The following PTPRD variants were observed in gnomAD, a reference collection of about 807,000 sequenced individuals.
The protein encoded by PTPRD is protein tyrosine phosphatase receptor type D.
In PTPRD, 34 loss-of-function variants were observed where a neutral mutation model predicts 214.5. The observed-to-expected ratio is 0.16, with a 90% CI of 0.12 to 0.21. PTPRD has a LOEUF of 0.21. Ranked by LOEUF, PTPRD falls within the 10% of genes least tolerant of loss-of-function variation. The pLI is 1.00. For missense variants in PTPRD, 2,545 were observed against 2,398.7 expected, an observed-to-expected ratio of 1.06 and a Z score of -1.27; for synonymous variants, 1,128 against 845.7, an observed-to-expected ratio of 1.33 and a Z score of -5.79.
intron 2 of PTPRD, among the ~76,000 whole-genome samples, chr9:10,523,194 C>A (rs1055114606): frequency 2.5e-4 from 38 of 151,888 alleles, no homozygotes; most frequent in African/African-American, 8.5e-4. Context: ...AAGTACATAT[C>A]GTGATGTTTT....
chr9:8,962,965 C>T (rs1367701227), intron 11 of PTPRD: 3 of 152,024 alleles, frequency 2.0e-5, no homozygotes, highest in Admixed American at 6.6e-5. Context: ...CAAAAGATTT[C>T]CCAGCAGCAC....
intron 2 of PTPRD, among the ~76,000 whole-genome samples, chr9:10,596,007 T>C (rs1390131766): frequency 2.0e-5 from 3 of 151,840 alleles, no homozygotes; most frequent in Non-Finnish European, 4.4e-5. Flanking sequence ...GCTATTTTCC[T>C]TTCAAATCGT....
intron 32 of PTPRD, among the ~76,000 whole-genome samples, chr9:8,465,258 C>T (rs1375285625): frequency 1.3e-5 from 2 of 151,896 alleles, no homozygotes; most frequent in South Asian, 2.1e-4. Context: ...ACCTAAATTT[C>T]CTTCATCAGA....
At chr9:9,031,490 A>T (rs1284926926) in intron 10 of PTPRD, among the ~76,000 whole-genome samples, 1 of 152,044 alleles carries the variant, frequency 6.6e-6, no homozygotes, top group Admixed American at 6.6e-5. Context: ...TTGTAACAGA[A>T]TATTTGTGTA....
At chr9:8,807,874 C>T (rs1197228285) in intron 11 of PTPRD, among the ~76,000 whole-genome samples, 5 of 152,082 alleles carry the variant, frequency 3.3e-5, no homozygotes, top group Admixed American at 6.5e-5. Flanking sequence ...GTATGTATGG[C>T]GAGACAAGGC....
At chr9:8,415,694 G>A (rs1022918618) in intron 35 of PTPRD, among the ~76,000 whole-genome samples, 5 of 151,994 alleles carry the variant, frequency 3.3e-5, no homozygotes, top group African/African-American at 1.2e-4. Context: ...CTAAAAAAAT[G>A]CTGTGTCAGT....
At chr9:9,948,996 G>C (rs72692755) in intron 4 of PTPRD, among the ~76,000 whole-genome samples, 8 of 151,928 alleles carry the variant, frequency 5.3e-5, no homozygotes, top group African/African-American at 1.4e-4. Flanking sequence ...AGCATGGGGG[G>C]GCCTAAGATT....
chr9:8,654,677 T>C (rs569965837), intron 12 of PTPRD, among the ~76,000 whole-genome samples: 1 of 152,296 alleles, frequency 6.6e-6, no homozygotes, highest in African/African-American at 2.4e-5. Flanking sequence ...CAATTTTTCA[T>C]AAGCATTAAG....
chr9:9,486,329 C>T (rs963468856), intron 8 of PTPRD, among the ~76,000 whole-genome samples: 6 of 152,052 alleles, frequency 3.9e-5, no homozygotes, highest in African/African-American at 1.4e-4. Context: ...AGTCTCTTTT[C>T]CACCCCATCA....
chr9:8,977,491 T>C (rs976388895), intron 11 of PTPRD, among the ~76,000 whole-genome samples: 2 of 152,122 alleles, frequency 1.3e-5, no homozygotes, highest in Non-Finnish European at 2.9e-5. Flanking sequence ...AAGGGCTCTA[T>C]GTGCTGTTAT....
chr9:9,420,800 A>G (rs2078518401), intron 8 of PTPRD, among the ~76,000 whole-genome samples: 2 of 152,002 alleles, frequency 1.3e-5, no homozygotes, highest in South Asian at 4.1e-4. Context: ...AAAAAACAGT[A>G]TATCAAGTCA....
At chr9:8,734,595 A>G (rs1271433006) in intron 11 of PTPRD, among the ~76,000 whole-genome samples, 1 of 152,250 alleles carries the variant, frequency 6.6e-6, no homozygotes, top group Non-Finnish European at 1.5e-5. Flanking sequence ...CCTCCTGGGC[A>G]AGGGTTTAAT....
At chr9:8,766,741 TCTTA>T (rs1441408487) in intron 11 of PTPRD, among the ~76,000 whole-genome samples, 1 of 152,192 alleles carries the variant, frequency 6.6e-6, no homozygotes, top group Non-Finnish European at 1.5e-5. Context: ...TAAATAATTG[TCTTA>T]CTTGTTTTTA....
At chr9:9,057,741 A>T (rs1011047147) in intron 10 of PTPRD, among the ~76,000 whole-genome samples, 14 of 152,166 alleles carry the variant, frequency 9.2e-5, no homozygotes, top group African/African-American at 3.4e-4. Context: ...TGAGATTCCC[A>T]ATTCTTGGTT....
At chr9:9,425,760 G>C (rs1187121807) in intron 8 of PTPRD, among the ~76,000 whole-genome samples, 1 of 152,042 alleles carries the variant, frequency 6.6e-6, no homozygotes, top group Non-Finnish European at 1.5e-5. Flanking sequence ...ATTACATTTG[G>C]TTAGGAAAAT....
chr9:10,385,423 C>A (rs1372732030), intron 2 of PTPRD, among the ~76,000 whole-genome samples: 2 of 151,724 alleles, frequency 1.3e-5, no homozygotes, highest in South Asian at 2.1e-4. Flanking sequence ...TATAACATAT[C>A]TCATTCATTT....
chr9:8,536,291 G>C (rs1447189349), intron 14 of PTPRD, among the ~76,000 whole-genome samples: 1 of 151,634 alleles, frequency 6.6e-6, no homozygotes, highest in Non-Finnish European at 1.5e-5. Flanking sequence ...TTGAATACTT[G>C]GTCATCCTTT....
chr9:8,877,147 C>A (rs1008379350), intron 11 of PTPRD, among the ~76,000 whole-genome samples: 1 of 151,866 alleles, frequency 6.6e-6, no homozygotes, highest in Non-Finnish European at 1.5e-5. Context: ...GGATGGTCTC[C>A]ATCTCCTGAC....
chr9:8,397,801 A>C (rs1316029898), intron 36 of PTPRD, among the ~76,000 whole-genome samples: 1 of 152,208 alleles, frequency 6.6e-6, no homozygotes, highest in Non-Finnish European at 1.5e-5. Context: ...CAGCTTTCTC[A>C]TCTTAAAGGT....
Sources: allele counts gnomAD v4.1 joint callset (sites outside exome capture counted in the v4.1 genomes callset), GRCh38; gene constraint gnomAD v4.1.1; transcripts MANE v1.5; gene names NCBI Gene and HGNC (gene_info 2026-07-23, HGNC 2026-07-21).